Variants in EXD3 observed in about 807,000 individuals in gnomAD.
The protein encoded by EXD3 is exonuclease mut-7 homolog.
EXD3 carries 92 observed loss-of-function variants against 98.0 expected under a neutral mutation model. The observed-to-expected ratio is 0.94, with a 90% confidence interval of 0.79 to 1.12. EXD3 has a LOEUF of 1.12. Ranked by LOEUF, EXD3 falls within the 50% of genes most tolerant of loss-of-function variation. EXD3 has a pLI of 0.00. For synonymous variants in EXD3, 569 were observed against 526.0 expected (o/e 1.08, Z -1.12); for missense variants, 1,222 against 1,191.6 (o/e 1.03, Z -0.38).
chr9:137,345,036 C>G (rs1419574828), intron 17 of EXD3, among the ~76,000 whole-genome samples: 2 of 152,254 alleles, frequency 1.3e-5, no homozygotes, highest in Admixed American at 1.3e-4. Flanking sequence ...CCAGGCTGCA[C>G]CTTCCACTGT....
intron 19 of EXD3, among the ~76,000 whole-genome samples, chr9:137,318,828 T>G: frequency 6.6e-6 from 1 of 152,142 alleles, no homozygotes; most frequent in Non-Finnish European, 1.5e-5. Context: ...TGCTGAGTGG[T>G]GGGGCCGGCG....
intron 19 of EXD3, among the ~76,000 whole-genome samples, chr9:137,318,313 G>A (rs996446910): frequency 1.1e-4 from 16 of 152,064 alleles, no homozygotes; most frequent in African/African-American, 3.1e-4. Flanking sequence ...GCTGGGCCCC[G>A]GCTGCCGGCA....
At chr9:137,375,393 C>T (rs533317365) in intron 3 of EXD3, among the ~76,000 whole-genome samples, 3 of 151,248 alleles carry the variant, frequency 2.0e-5, no homozygotes, top group South Asian at 4.2e-4. Context: ...CTAGTTCTAG[C>T]GAGTTCCAGC....
In EXD3 at chr9:137,366,696, C is replaced by T. The variant is rs1003381468; in HGVS notation, c.517-64G>A. 150 of 1,516,296 alleles carry T rather than the reference C, an allele frequency of 9.9e-5. 1 individual carries two copies. Among genetic ancestry groups the T allele is most frequent in the Middle Eastern group, 9.3e-4 (4 of 4,284 alleles). 93.9% of individuals were successfully genotyped at this position (1,516,296 alleles called of 1,614,324 possible). A position where few individuals can be genotyped will look rare whatever the true frequency, so the allele number is the denominator to read the frequency against. On this transcript the variant is annotated intron_variant, in intron 6 of 21. Coordinates refer to ENST00000340951, the MANE Select transcript of EXD3 (RefSeq NM_017820.5). ...CCTCAGCCAAAACCTGACTCACCTC[C>T]AACCCAGAGGGAGCGGCCAAAGTGT...
Position 137,366,667 on chromosome 9 carries a change from G to A in EXD3, c.517-35C>T, listed in dbSNP as rs113004358. 6.9e-4 allele frequency: 1,065 copies of A among 1,534,890 alleles called. 14 individuals are homozygous for A. In the African/African-American group the frequency reaches 0.012, roughly 18 times the overall value. ...GACACACGGTCAGGCCACAGCCTCC[G>A]CCACCTCAGCCAAAACCTGACTCAC... On this transcript the variant is annotated intron_variant, in intron 6 of 21. Coordinates refer to ENST00000340951, the MANE Select transcript of EXD3 (RefSeq NM_017820.5).
At chr9:137,413,639 C>G (rs1026292560) in intron 1 of EXD3, among the ~76,000 whole-genome samples, 9 of 151,494 alleles carry the variant, frequency 5.9e-5, no homozygotes, top group African/African-American at 2.2e-4. Context: ...GTAGCTGGGA[C>G]TACAGGCGCC....
chr9:137,310,207 G>C (rs912749246), intron 19 of EXD3, among the ~76,000 whole-genome samples: 5 of 152,234 alleles, frequency 3.3e-5, no homozygotes, highest in African/African-American at 1.2e-4. Context: ...ACACCACTGT[G>C]TGCCTTGTCC....
intron 3 of EXD3, chr9:137,381,080 A>C (rs1332828882): frequency 1.5e-5 from 2 of 136,804 alleles, no homozygotes; most frequent in African/African-American, 2.9e-5. Flanking sequence ...AGCCTGGGTG[A>C]CAGAGCAAGA....
At chr9:137,316,439 G>T (rs971580345) in intron 19 of EXD3, among the ~76,000 whole-genome samples, 1 of 152,086 alleles carries the variant, frequency 6.6e-6, no homozygotes, top group Non-Finnish European at 1.5e-5. Flanking sequence ...GCCCGCAGAG[G>T]GGGGTAGCCC....
intron 12 of EXD3, among the ~76,000 whole-genome samples, chr9:137,351,767 G>T (rs1304172841): frequency 1.3e-5 from 2 of 152,234 alleles, no homozygotes; most frequent in African/African-American, 4.8e-5. Flanking sequence ...GCCTGGCCTG[G>T]TGCCCACGGC....
chr9:137,309,757 C>T, intron 19 of EXD3, 57 bp from the exon 20 acceptor site: 1 of 1,332,116 alleles, frequency 7.5e-7, no homozygotes, highest in Non-Finnish European at 1.0e-6. Flanking sequence ...TGCCCCATAC[C>T]CCAGCCCTCT....
chr9:137,351,252 G>A (rs1467221114), intron 13 of EXD3, 66 bp downstream of exon 13: 4 of 1,549,284 alleles, frequency 2.6e-6, no homozygotes, highest in Middle Eastern at 3.6e-4. Flanking sequence ...ACGGAGGGAA[G>A]GGTCAGGCAG....
Position 137,378,832 on chromosome 9 carries a change from C to T in EXD3, c.120+4481G>A, listed in dbSNP as rs1248023111. ...AAAGCGGGTGAGCAGTGGCTAGGGC[C>T]TGTGTGACAAGGGGAATGGGGCGTC... is the stretch of plus-strand genomic sequence containing the variant. On this transcript the variant is annotated intron_variant, in intron 3 of 21. Transcript: ENST00000340951. 2.0e-5 allele frequency among the ~76,000 whole-genome samples: 3 copies of T among 152,310 alleles called. No homozygotes were observed. The South Asian group carries it at 6.2e-4, about 32-fold the overall frequency.
At chr9:137,396,213 C>A (rs1837210661) in intron 1 of EXD3, among the ~76,000 whole-genome samples, 1 of 152,162 alleles carries the variant, frequency 6.6e-6, no homozygotes, top group Non-Finnish European at 1.5e-5. Context: ...GGTGATCCAC[C>A]CGCCTCAGCC....
intron 17 of EXD3, among the ~76,000 whole-genome samples, chr9:137,331,784 T>TG (rs1187976295): frequency 1.3e-5 from 2 of 152,010 alleles, no homozygotes; most frequent in East Asian, 3.9e-4. Context: ...GGTGTGGTGG[T>TG]GCACGCCTGT....
At chr9:137,418,225 T>C (rs755828698) in intron 1 of EXD3, among the ~76,000 whole-genome samples, 19 of 152,164 alleles carry the variant, frequency 1.2e-4, no homozygotes, top group Non-Finnish European at 2.5e-4. Context: ...CATGCACCTG[T>C]AGTCCCAGCT....
intron 19 of EXD3, among the ~76,000 whole-genome samples, chr9:137,315,200 C>A (rs1196915504): frequency 1.3e-5 from 2 of 152,216 alleles, no homozygotes; most frequent in Admixed American, 6.5e-5. Context: ...CACCCCTCTG[C>A]ACAGGTCACC....
rs1376592912 is a variant in EXD3 at position 137,407,503 on chromosome 9, C to T, written c.-47-12099G>A. 6.6e-6 allele frequency among the ~76,000 whole-genome samples: 1 copy of T among 152,170 alleles called. No individual in the cohort carries two copies. Among genetic ancestry groups the T allele is most frequent in the African/African-American group, 2.4e-5 (1 of 41,458 alleles). Reference sequence around the variant, plus strand: ...CCGCTCTCGGGCTCTGCCCTGCCAGCCCCACAACCCAGAACCCAGCGTCCC... The same window carrying T: ...CCGCTCTCGGGCTCTGCCCTGCCAGTCCCACAACCCAGAACCCAGCGTCCC... On this transcript the variant is annotated intron_variant, in intron 1 of 21. Transcript: ENST00000340951. The surrounding 1 kb of genome is among the most constrained non-coding windows in gnomAD (Gnocchi z 4.4).
At chr9:137,375,690 T>C (rs1390580898) in intron 3 of EXD3, among the ~76,000 whole-genome samples, 3 of 152,238 alleles carry the variant, frequency 2.0e-5, no homozygotes, top group East Asian at 1.9e-4. Context: ...GAGTTCTAGC[T>C]TTCGTGAGTT....
Sources: gnomAD v4.1 joint callset for allele counts (sites outside exome capture counted in the v4.1 genomes callset) on GRCh38, gnomAD v4.1.1 for gene constraint, Gnocchi (gnomAD v3.1) non-coding constraint, MANE v1.5 for transcripts, NCBI Gene and HGNC (gene_info 2026-07-23, HGNC 2026-07-21) for gene names.